Variants in SPAG16 observed in about 807,000 individuals in gnomAD.
SPAG16 encodes sperm-associated antigen 16 protein.
A neutral mutation model predicts 80.4 loss-of-function variants in SPAG16; 86 were observed. That is an observed-to-expected ratio of 1.07 (90% CI 0.90 to 1.28). The LOEUF (loss-of-function observed/expected upper bound fraction) is 1.28, where lower values mean the gene tolerates loss of function less well. Ranked by LOEUF, SPAG16 falls within the 50% of genes most tolerant of loss-of-function variation. SPAG16 has a pLI of 0.00. For missense variants in SPAG16, 870 were observed against 765.3 expected (o/e 1.14, Z -1.61); for synonymous variants, 294 against 265.9 (o/e 1.11, Z -1.03).
At chr2:213,501,829 T>A (rs2074755056) in intron 10 of SPAG16, among the ~76,000 whole-genome samples, 1 of 152,196 alleles carries the variant, frequency 6.6e-6, no homozygotes, top group African/African-American at 2.4e-5. Context: ...TCTAGAAAAG[T>A]AATTTTATCG....
rs572472205 is a variant in SPAG16 at position 214,407,139 on chromosome 2, C to G, written c.1721-3001C>G. On this transcript the variant is annotated intron_variant, in intron 15 of 15. Transcript: ENST00000331683. Reference sequence around the variant, plus strand: ...TGTATTTTAAAATACCTTTATAAATCAATTTTGACCATTTTTATTTTTAAC... The same window carrying G: ...TGTATTTTAAAATACCTTTATAAATGAATTTTGACCATTTTTATTTTTAAC... Among the ~76,000 whole-genome samples the G allele has an allele frequency of 5.3e-5, 8 of 151,974 alleles. No homozygotes were observed. The South Asian group carries it at 1.0e-3, about 20-fold the overall frequency.
At chr2:214,116,197 T>G (rs184392054) in intron 14 of SPAG16, among the ~76,000 whole-genome samples, 3 of 152,326 alleles carry the variant, frequency 2.0e-5, no homozygotes, top group Non-Finnish European at 2.9e-5. Context: ...GACTACTGCC[T>G]CAGTGAAGAG....
At chr2:213,460,072 C>A (rs1423355461) in intron 9 of SPAG16, among the ~76,000 whole-genome samples, 1 of 152,192 alleles carries the variant, frequency 6.6e-6, no homozygotes, top group African/African-American at 2.4e-5. Context: ...GTTGTTTTAT[C>A]TGGTCTTCCT....
At chr2:213,839,828 G>A (rs957395648) in intron 10 of SPAG16, among the ~76,000 whole-genome samples, 13 of 152,166 alleles carry the variant, frequency 8.5e-5, no homozygotes, top group Middle Eastern at 3.4e-3. Flanking sequence ...ATGAGCTACC[G>A]TTTAAAATAA....
chr2:213,877,918 T>A (rs2076200285), intron 11 of SPAG16, among the ~76,000 whole-genome samples: 1 of 152,148 alleles, frequency 6.6e-6, no homozygotes, highest in Non-Finnish European at 1.5e-5. Context: ...TGTCACTATC[T>A]GTTATTTATG....
intron 12 of SPAG16, among the ~76,000 whole-genome samples, chr2:213,979,607 A>G (rs1158111418): frequency 1.3e-5 from 2 of 152,048 alleles, no homozygotes; most frequent in Non-Finnish European, 2.9e-5. Context: ...AAAACTCACT[A>G]TCATGAGAAC....
intron 9 of SPAG16, among the ~76,000 whole-genome samples, chr2:213,444,700 A>T (rs956018833): frequency 1.3e-5 from 2 of 152,074 alleles, no homozygotes; most frequent in Non-Finnish European, 2.9e-5. Flanking sequence ...GCAATTTTTT[A>T]AAAAATAGAG....
intron 15 of SPAG16, among the ~76,000 whole-genome samples, chr2:214,214,331 G>A (rs1243325030): frequency 1.3e-5 from 2 of 151,814 alleles, no homozygotes; most frequent in Admixed American, 6.6e-5. Flanking sequence ...CACCATGCCC[G>A]GCTAATTTTT....
intron 11 of SPAG16, among the ~76,000 whole-genome samples, chr2:213,926,666 T>G (rs915849370): frequency 6.6e-6 from 1 of 152,144 alleles, no homozygotes; most frequent in Non-Finnish European, 1.5e-5. Context: ...CCTTACGTCG[T>G]TTGATCTTTT....
At chr2:213,549,508 T>C (rs537565105) in intron 10 of SPAG16, among the ~76,000 whole-genome samples, 127 of 152,174 alleles carry the variant, frequency 8.3e-4, no homozygotes, top group Non-Finnish European at 1.6e-3. Flanking sequence ...TTCTGACTAC[T>C]AAAAATATCT....
chr2:213,410,125 A>AATGTGC (rs1020406006), intron 9 of SPAG16, among the ~76,000 whole-genome samples: 1 of 152,004 alleles, frequency 6.6e-6, no homozygotes, highest in Non-Finnish European at 1.5e-5. Context: ...AGAATGTGCC[A>AATGTGC]CCCCCTCCAG....
chr2:213,466,355 T>A (rs2072697179), intron 9 of SPAG16, among the ~76,000 whole-genome samples: 1 of 152,252 alleles, frequency 6.6e-6, no homozygotes, highest in Non-Finnish European at 1.5e-5. Flanking sequence ...TAAGGGCTTG[T>A]GCCTCAAGCA....
chr2:213,731,838 C>T (rs1371993095), intron 10 of SPAG16, among the ~76,000 whole-genome samples: 1 of 152,132 alleles, frequency 6.6e-6, no homozygotes, highest in African/African-American at 2.4e-5. Flanking sequence ...ATATGTACTA[C>T]ATTTTCTTTA....
intron 15 of SPAG16, among the ~76,000 whole-genome samples, chr2:214,263,875 T>C (rs942050472): frequency 6.6e-6 from 1 of 152,186 alleles, no homozygotes; most frequent in African/African-American, 2.4e-5. Flanking sequence ...AAGAATGTAT[T>C]TTAGCATATT....
chr2:213,500,515 A>G (rs1312768940), intron 10 of SPAG16, among the ~76,000 whole-genome samples: 3 of 152,220 alleles, frequency 2.0e-5, no homozygotes, highest in African/African-American at 7.2e-5. Flanking sequence ...TCACGCATTC[A>G]ATGGTTGTAT....
At chr2:213,387,696 C>T (rs1360555125) in intron 9 of SPAG16, among the ~76,000 whole-genome samples, 10 of 151,504 alleles carry the variant, frequency 6.6e-5, no homozygotes, top group South Asian at 4.2e-4. Flanking sequence ...CCTCGTGATC[C>T]GCCCGCCTCG....
intron 9 of SPAG16, among the ~76,000 whole-genome samples, chr2:213,459,307 C>G (rs1233002720): frequency 1.3e-5 from 2 of 151,828 alleles, no homozygotes; most frequent in African/African-American, 4.8e-5. Flanking sequence ...TTATTTTTTT[C>G]TTTTTGGGTG....
At chr2:213,365,517 G>T (rs145249353) in intron 8 of SPAG16, 2,164 of 151,984 alleles carry the variant, frequency 0.014, 24 homozygotes, top group South Asian at 0.037. Context: ...GAGTGCAGTG[G>T]CATGATCTCA....
rs562315363 is a variant in SPAG16 at position 214,128,439 on chromosome 2, T to C, written c.1593+20178T>C. ...CTCAAGGCTTTTCATTGTCTGGTTA[T>C]GCTCACTAGTGAGCCACAACCTTCT... On this transcript the variant is annotated intron_variant, in intron 14 of 15. Transcript: ENST00000331683. Among the ~76,000 whole-genome samples the C allele has an allele frequency of 2.9e-4, 44 of 152,016 alleles. 1 individual carries two copies. In the South Asian group the frequency reaches 8.5e-3, roughly 29 times the overall value.
Sources: gnomAD v4.1 joint callset for allele counts (sites outside exome capture counted in the v4.1 genomes callset) on GRCh38, gnomAD v4.1.1 for gene constraint, MANE v1.5 for transcripts, NCBI Gene and HGNC (gene_info 2026-07-23, HGNC 2026-07-21) for gene names.